The following ZFAND1 variants were observed in gnomAD, a reference collection of about 807,000 sequenced individuals.
ZFAND1 encodes AN1-type zinc finger protein 1.
ZFAND1 carries 40 observed loss-of-function variants against 38.5 expected under a neutral mutation model. The observed-to-expected ratio is 1.04, with a 90% CI of 0.81 to 1.35. The LOEUF (loss-of-function observed/expected upper bound fraction) is 1.35. Ranked by LOEUF, ZFAND1 falls within the 40% of genes most tolerant of loss-of-function variation. The pLI is 0.00. For missense variants in ZFAND1, 346 were observed against 316.3 expected, an observed-to-expected ratio of 1.09 and a Z score of -0.71; for synonymous variants, 117 against 103.6, an observed-to-expected ratio of 1.13 and a Z score of -0.78.
intron 2 of ZFAND1, among the ~76,000 whole-genome samples, chr8:81,717,872 A>C (rs1316111986): frequency 6.6e-6 from 1 of 152,090 alleles, no homozygotes; most frequent in Non-Finnish European, 1.5e-5. Context: ...TCATTTTATT[A>C]ATTAAAATAA....
intron 1 of ZFAND1, among the ~76,000 whole-genome samples, chr8:81,718,511 T>C (rs1808379674): frequency 6.6e-6 from 1 of 151,972 alleles, no homozygotes; most frequent in Non-Finnish European, 1.5e-5. Flanking sequence ...CCAGATTTAC[T>C]AGGTGTTGTT....
At chr8:81,703,826 G>A (rs1807885719) in intron 6 of ZFAND1, among the ~76,000 whole-genome samples, 1 of 152,054 alleles carries the variant, frequency 6.6e-6, no homozygotes, top group Non-Finnish European at 1.5e-5. Context: ...AAGTTTCCTC[G>A]AATGGGAAAA....
intron 6 of ZFAND1, among the ~76,000 whole-genome samples, chr8:81,704,395 G>GGGT (rs1400919999): frequency 6.6e-6 from 1 of 152,052 alleles, no homozygotes; most frequent in Non-Finnish European, 1.5e-5. Flanking sequence ...AAAATTAGCT[G>GGGT]GGTATAGTGG....
chr8:81,706,166 G>C (rs553223987), intron 6 of ZFAND1, among the ~76,000 whole-genome samples: 1 of 152,004 alleles, frequency 6.6e-6, no homozygotes, highest in South Asian at 2.1e-4. Context: ...GAGTAAGACT[G>C]ACACAGATGT....
At chr8:81,718,942 TAGATAC>T (rs1457693491) in intron 1 of ZFAND1, among the ~76,000 whole-genome samples, 9 of 151,846 alleles carry the variant, frequency 5.9e-5, no homozygotes, top group Non-Finnish European at 1.3e-4. Flanking sequence ...TATAGACAGG[TAGATAC>T]AGAGACAGAT....
chr8:81,715,474 T>C (rs73284916), intron 3 of ZFAND1, among the ~76,000 whole-genome samples: 1,624 of 152,276 alleles, frequency 0.011, 23 homozygotes, highest in African/African-American at 0.036. Flanking sequence ...ATTTCCACAC[T>C]AATTTTAGGA....
rs562879616 is a variant in ZFAND1 at position 81,702,592 on chromosome 8, A to G, written c.*103T>C. 3 of 1,019,298 alleles carry G rather than the reference A, an allele frequency of 2.9e-6. No individual in the cohort carries two copies. The highest frequency in any genetic ancestry group is 3.1e-5 in the East Asian group (1 of 32,530). The allele number at this position is 1,019,298 out of a possible 1,614,324, so 63.1% of individuals were successfully genotyped here. On this transcript the variant is annotated 3_prime_UTR_variant, in exon 8 of 8. Transcript: ENST00000220669. ...TGACATAAGGGGAAATAAGTTAAAAAGCAACTTTTAAAAATTACAAAAATA... is the reference window on the plus strand; with the variant it reads ...TGACATAAGGGGAAATAAGTTAAAAGGCAACTTTTAAAAATTACAAAAATA...
At chr8:81,711,574 T>C (rs993200747) in intron 6 of ZFAND1, among the ~76,000 whole-genome samples, 5 of 152,142 alleles carry the variant, frequency 3.3e-5, no homozygotes, top group African/African-American at 1.2e-4. Context: ...ATCCAAATCA[T>C]GGTTCTTTGA....
chr8:81,718,719 T>C (rs1310201322), intron 1 of ZFAND1, among the ~76,000 whole-genome samples: 1 of 147,478 alleles, frequency 6.8e-6, no homozygotes, highest in East Asian at 2.0e-4. Context: ...GTGAACAACA[T>C]ATATATATAT....
At chr8:81,710,809 G>A (rs1002027453) in intron 6 of ZFAND1, among the ~76,000 whole-genome samples, 2 of 152,060 alleles carry the variant, frequency 1.3e-5, no homozygotes, top group Non-Finnish European at 2.9e-5. Context: ...TTGATAATAC[G>A]TAACTCTACA....
chr8:81,705,783 G>A (rs6982251), intron 6 of ZFAND1, among the ~76,000 whole-genome samples: 8,862 of 152,258 alleles, frequency 0.058, 364 homozygotes, highest in African/African-American at 0.11. Flanking sequence ...GCCAGGTGTG[G>A]GGGCACGCGC....
Position 81,714,866 on chromosome 8 carries a change from TCA to T in ZFAND1, c.294_295del (p.Cys98Ter). On this transcript the variant is annotated stop_gained and frameshift_variant, in exon 5 of 8. Coordinates refer to ENST00000220669, the MANE Select transcript of ZFAND1 (RefSeq NM_024699.3). LOFTEE classifies it high-confidence loss of function. The stretch of plus-strand genomic sequence containing the variant: ...TCGAGGCTTTGGGATTTCCAGTTTT[TCA>T]CACTCATGATCTGACTGATGACGGT... The T allele has an allele frequency of 1.2e-6, 2 of 1,614,088 alleles. No individual in the cohort carries two copies. The highest frequency in any genetic ancestry group is 1.7e-6 in the Non-Finnish European group (2 of 1,179,938).
intron 6 of ZFAND1, among the ~76,000 whole-genome samples, chr8:81,709,754 G>A (rs1808082847): frequency 6.6e-6 from 1 of 152,116 alleles, no homozygotes; most frequent in Non-Finnish European, 1.5e-5. Context: ...AATGCTTTAT[G>A]ATATATTGTT....
chr8:81,715,883 C>T (rs1808294310), intron 3 of ZFAND1, among the ~76,000 whole-genome samples: 1 of 152,144 alleles, frequency 6.6e-6, no homozygotes, highest in Admixed American at 6.5e-5. Flanking sequence ...TTATCTGAGA[C>T]ACATTCAGAG....
chr8:81,720,311 G>C (rs1375740022), intron 1 of ZFAND1, among the ~76,000 whole-genome samples: 1 of 152,148 alleles, frequency 6.6e-6, no homozygotes, highest in Non-Finnish European at 1.5e-5. Flanking sequence ...AGGTCTCTCA[G>C]TGCAATGGGG....
At chr8:81,719,092 AAGATC>A (rs1808395397) in intron 1 of ZFAND1, among the ~76,000 whole-genome samples, 2 of 152,096 alleles carry the variant, frequency 1.3e-5, no homozygotes, top group African/African-American at 4.8e-5. Flanking sequence ...ATATATATGA[AAGATC>A]AGAATAGTAA....
rs777592364 is a variant in ZFAND1, at chr8:81,706,247, A to AG, written c.481-3124_481-3123insC. 1.3e-3 allele frequency among the ~76,000 whole-genome samples: 195 copies of AG among 152,118 alleles called. 1 individual carries two copies. Among genetic ancestry groups the AG allele is most frequent in the Admixed American group, 2.0e-3 (31 of 15,264 alleles). On this transcript the variant is annotated intron_variant, in intron 6 of 7. Transcript: ENST00000220669. The stretch of plus-strand genomic sequence containing the variant: ...TTTAATAGGCAATCCAGCTAAAAGT[A>AG]AGGGCAAAATAAGGACATGTTCAAA...
intron 1 of ZFAND1, chr8:81,720,715 G>A (rs1808447165): frequency 6.4e-6 from 1 of 156,054 alleles, no homozygotes; most frequent in East Asian, 1.9e-4. Flanking sequence ...AAAGCCAAAA[G>A]ACAACAGTCC....
At chr8:81,711,224 C>A (rs1808132462) in intron 6 of ZFAND1, among the ~76,000 whole-genome samples, 1 of 152,008 alleles carries the variant, frequency 6.6e-6, no homozygotes, top group Admixed American at 6.6e-5. Context: ...CCAGCCTGAC[C>A]AACGTGGTGA....
Sources: gnomAD v4.1 joint callset for allele counts (sites outside exome capture counted in the v4.1 genomes callset) on GRCh38, gnomAD v4.1.1 for gene constraint, MANE v1.5 for transcripts, NCBI Gene and HGNC (gene_info 2026-07-23, HGNC 2026-07-21) for gene names.